The following HCRTR2 variants were observed in gnomAD, a reference collection of about 807,000 sequenced individuals.
HCRTR2 encodes the protein orexin receptor type 2.
A neutral mutation model predicts 49.0 loss-of-function variants in HCRTR2; 22 were observed. That is an observed-to-expected ratio of 0.45 (90% CI 0.32 to 0.64). The LOEUF (loss-of-function observed/expected upper bound fraction) is 0.64, where lower values mean the gene tolerates loss of function less well. HCRTR2 is among the 30% of genes least tolerant of loss of function. The pLI is 0.04. For missense variants in HCRTR2, 491 were observed against 559.4 expected (o/e 0.88, Z 1.23); for synonymous variants, 236 against 205.3 (o/e 1.15, Z -1.28).
chr6:55,140,761 T>G (rs1764494880), intron 1 of HCRTR2, among the ~76,000 whole-genome samples: 1 of 152,220 alleles, frequency 6.6e-6, no homozygotes, highest in Non-Finnish European at 1.5e-5. Flanking sequence ...GAAATTAACC[T>G]TTCAATTTTA....
chr6:55,202,752 T>G (rs887006042), intron 1 of HCRTR2, among the ~76,000 whole-genome samples: 2 of 71,134 alleles, frequency 2.8e-5, no homozygotes, highest in African/African-American at 1.5e-4. Context: ...GGATTAGGTT[T>G]CAACAAATGA....
chr6:55,250,912 T>C (rs576678074), intron 2 of HCRTR2, among the ~76,000 whole-genome samples: 1 of 152,236 alleles, frequency 6.6e-6, no homozygotes, highest in East Asian at 1.9e-4. Flanking sequence ...TAGATCCATT[T>C]GTTACCCCAT....
intron 1 of HCRTR2, among the ~76,000 whole-genome samples, chr6:55,209,237 G>GGAGGCTTA (rs1429725254): frequency 6.6e-6 from 1 of 152,074 alleles, no homozygotes; most frequent in Non-Finnish European, 1.5e-5. Flanking sequence ...ATATAACAAA[G>GGAGGCTTA]GAGGCTTAAT....
At chr6:55,168,929 C>T (rs1764912475) in intron 1 of HCRTR2, among the ~76,000 whole-genome samples, 1 of 152,060 alleles carries the variant, frequency 6.6e-6, no homozygotes, top group Non-Finnish European at 1.5e-5. Context: ...CAAAAAGTTA[C>T]TTACTTCCGT....
At chr6:55,140,359 C>T (rs138069707) in intron 1 of HCRTR2, among the ~76,000 whole-genome samples, 26 of 152,174 alleles carry the variant, frequency 1.7e-4, no homozygotes, top group African/African-American at 6.0e-4. Context: ...GGGTCCTTTG[C>T]TCTGTATTGA....
downstream of HCRTR2, chr6:55,282,704 A>G (rs1387008651): frequency 2.0e-5 from 8 of 403,850 alleles, no homozygotes; most frequent in African/African-American, 2.9e-4. Context: ...AGTTTCATGT[A>G]TTAAAATGTG....
At chr6:55,140,937 G>A (rs1764497731) in intron 1 of HCRTR2, among the ~76,000 whole-genome samples, 2 of 152,170 alleles carry the variant, frequency 1.3e-5, no homozygotes, top group Non-Finnish European at 2.9e-5. Context: ...TTGTGCCTGA[G>A]TTAGAATCCC....
intron 1 of HCRTR2, among the ~76,000 whole-genome samples, chr6:55,219,906 A>G (rs1765860134): frequency 6.6e-6 from 1 of 152,068 alleles, no homozygotes; most frequent in Admixed American, 6.5e-5. Context: ...TTTGCAGGCT[A>G]TTCTGTATAA....
intron 1 of HCRTR2, among the ~76,000 whole-genome samples, chr6:55,139,203 T>C (rs926742369): frequency 1.3e-5 from 2 of 152,138 alleles, no homozygotes; most frequent in African/African-American, 4.8e-5. Context: ...TAGGTCAGAA[T>C]GAAAATTGTG....
intron 1 of HCRTR2, among the ~76,000 whole-genome samples, chr6:55,200,457 G>A (rs2127284027): frequency 6.6e-6 from 1 of 151,942 alleles, no homozygotes; most frequent in Admixed American, 6.6e-5. Flanking sequence ...GTAGAGATGG[G>A]GTTTCACTAT....
chr6:55,132,921 G>A lies in HCRTR2; in HGVS notation c.-378+26376G>A, dbSNP rs140058197. Among the ~76,000 whole-genome samples, 508 of 151,792 alleles carry A rather than the reference G, an allele frequency of 3.3e-3. 7 individuals are homozygous for A. Among genetic ancestry groups the A allele is most frequent in the African/African-American group, 0.012 (482 of 41,500 alleles). On this transcript the variant is annotated intron_variant, in intron 1 of 7. Transcript: ENST00000615358. ...ACACCAGAGACCCATGATGACCACA[G>A]CTTTTAAGTTACAGAAGACTTTTCA...
downstream of HCRTR2, among the ~76,000 whole-genome samples, chr6:55,284,396 C>T (rs887166137): frequency 2.0e-5 from 3 of 152,202 alleles, no homozygotes; most frequent in East Asian, 1.9e-4. Context: ...TAACTTCCAC[C>T]CTATCCCTCA....
At chr6:55,212,526 A>G (rs1031738357) in intron 1 of HCRTR2, among the ~76,000 whole-genome samples, 2 of 152,168 alleles carry the variant, frequency 1.3e-5, no homozygotes, top group African/African-American at 4.8e-5. Flanking sequence ...TCTGCTGTAA[A>G]TCAAAAGCAG....
chr6:55,197,039 C>T (rs1393835554), intron 1 of HCRTR2, among the ~76,000 whole-genome samples: 4 of 152,232 alleles, frequency 2.6e-5, no homozygotes, highest in African/African-American at 7.2e-5. Context: ...CTCTGTACTT[C>T]AAAACTAAAA....
chr6:55,175,570 GT>G (rs1218407243), intron 1 of HCRTR2, among the ~76,000 whole-genome samples: 1 of 151,820 alleles, frequency 6.6e-6, no homozygotes, highest in African/African-American at 2.4e-5. Flanking sequence ...TCAACTGTTT[GT>G]TGTTGTTTTG....
At chr6:55,217,314 G>T (rs1017437722) in intron 1 of HCRTR2, among the ~76,000 whole-genome samples, 1 of 152,108 alleles carries the variant, frequency 6.6e-6, no homozygotes, top group Non-Finnish European at 1.5e-5. Flanking sequence ...AAGCAGTTTT[G>T]CTGTTTACAT....
At chr6:55,239,597 C>A (rs1441288001) in intron 1 of HCRTR2, among the ~76,000 whole-genome samples, 1 of 152,112 alleles carries the variant, frequency 6.6e-6, no homozygotes, top group Non-Finnish European at 1.5e-5. Context: ...CGGTTATCAA[C>A]ACTACAGAGG....
upstream of HCRTR2, among the ~76,000 whole-genome samples, chr6:55,173,659 T>C (rs893387653): frequency 6.6e-6 from 1 of 152,144 alleles, no homozygotes; most frequent in Non-Finnish European, 1.5e-5. Flanking sequence ...TATCATTGAG[T>C]ATATTGGTGG....
chr6:55,198,089 CA>C (rs997286592), intron 1 of HCRTR2, among the ~76,000 whole-genome samples: 1 of 152,118 alleles, frequency 6.6e-6, no homozygotes, highest in Non-Finnish European at 1.5e-5. Flanking sequence ...AAACATAACT[CA>C]AAATGTATCT....
Sources: gnomAD v4.1 joint callset for allele counts (sites outside exome capture counted in the v4.1 genomes callset) on GRCh38, gnomAD v4.1.1 for gene constraint, MANE v1.5 for transcripts, NCBI Gene and HGNC (gene_info 2026-07-23, HGNC 2026-07-21) for gene names.